Variants in PDSS2 observed in about 807,000 individuals in gnomAD.
The protein encoded by PDSS2 is all trans-polyprenyl-diphosphate synthase PDSS2.
In PDSS2, 31 loss-of-function variants were observed where a neutral mutation model predicts 44.5. The observed-to-expected ratio is 0.70, with a 90% CI of 0.52 to 0.94. PDSS2 has a LOEUF of 0.94. Ranked by LOEUF, PDSS2 falls within the 40% of genes least tolerant of loss-of-function variation. The pLI is 0.00. For synonymous variants in PDSS2, 157 were observed against 180.3 expected, an observed-to-expected ratio of 0.87 and a Z score of 1.03; for missense variants, 452 against 482.2, an observed-to-expected ratio of 0.94 and a Z score of 0.59.
chr6:107,211,527 C>T (rs565997831), intron 5 of PDSS2, among the ~76,000 whole-genome samples: 3 of 151,466 alleles, frequency 2.0e-5, no homozygotes, highest in Admixed American at 6.6e-5. Context: ...GTCAGGAATT[C>T]GAGACCATCC....
intron 4 of PDSS2, among the ~76,000 whole-genome samples, chr6:107,230,496 C>G (rs913852087): frequency 2.0e-5 from 3 of 152,062 alleles, no homozygotes; most frequent in African/African-American, 7.2e-5. Flanking sequence ...ATAAAGGTAC[C>G]CCCAAACTCA....
intron 4 of PDSS2, among the ~76,000 whole-genome samples, chr6:107,234,887 A>T (rs915551388): frequency 2.0e-5 from 3 of 152,176 alleles, no homozygotes; most frequent in African/African-American, 7.2e-5. Flanking sequence ...AGTCATTATA[A>T]CATAAATTTT....
chr6:107,393,249 C>T (rs1479649050), intron 1 of PDSS2, among the ~76,000 whole-genome samples: 1 of 152,060 alleles, frequency 6.6e-6, no homozygotes, highest in East Asian at 1.9e-4. Flanking sequence ...CATAAAATTT[C>T]GTATTTTACC....
At chr6:107,422,565 A>G (rs1780860119) in intron 1 of PDSS2, among the ~76,000 whole-genome samples, 1 of 152,092 alleles carries the variant, frequency 6.6e-6, no homozygotes, top group Non-Finnish European at 1.5e-5. Context: ...GGAGAAAAAC[A>G]TTTAAAAAAA....
intron 2 of PDSS2, among the ~76,000 whole-genome samples, chr6:107,329,805 CT>C (rs879556447): frequency 2.0e-5 from 3 of 152,000 alleles, no homozygotes; most frequent in Non-Finnish European, 2.9e-5. Context: ...TGGTACTGTT[CT>C]GGGCCCTGCT....
intron 2 of PDSS2, among the ~76,000 whole-genome samples, chr6:107,333,138 C>A (rs2115239727): frequency 6.6e-6 from 1 of 152,196 alleles, no homozygotes; most frequent in Non-Finnish European, 1.5e-5. Context: ...GGTCAATTAG[C>A]CATAAGTCAA....
chr6:107,332,471 T>C (rs1002629119), intron 2 of PDSS2, among the ~76,000 whole-genome samples: 4 of 152,214 alleles, frequency 2.6e-5, no homozygotes, highest in Non-Finnish European at 5.9e-5. Context: ...GTACTAAAGA[T>C]GTGCCAAAGA....
intron 1 of PDSS2, among the ~76,000 whole-genome samples, chr6:107,454,047 CTTTT>C (rs34161602): frequency 4.6e-5 from 6 of 131,568 alleles, no homozygotes; most frequent in Admixed American, 7.8e-5. Flanking sequence ...TTTCAGACTT[CTTTT>C]TTTTTTTTTT....
intron 4 of PDSS2, among the ~76,000 whole-genome samples, chr6:107,225,170 T>A (rs1226313493): frequency 0.076 from 4,036 of 53,396 alleles, 218 homozygotes; most frequent in African/African-American, 0.16. Context: ...TATTTTTTTT[T>A]TTTTTTTTTT....
chr6:107,225,549 A>G (rs527492059), intron 4 of PDSS2, among the ~76,000 whole-genome samples: 2 of 152,178 alleles, frequency 1.3e-5, no homozygotes, highest in South Asian at 2.1e-4. Context: ...CAATGTAGGA[A>G]GGGTTTGCAC....
At chr6:107,182,220 C>T (rs1453392945) in intron 7 of PDSS2, among the ~76,000 whole-genome samples, 1 of 152,040 alleles carries the variant, frequency 6.6e-6, no homozygotes, top group African/African-American at 2.4e-5. Flanking sequence ...TGAATAATGT[C>T]GAGAGGGCAA....
intron 1 of PDSS2, among the ~76,000 whole-genome samples, chr6:107,436,187 T>A (rs758916104): frequency 2.0e-5 from 3 of 152,202 alleles, no homozygotes; most frequent in Non-Finnish European, 4.4e-5. Flanking sequence ...TGGATTTTTT[T>A]GGTAACTAAT....
intron 1 of PDSS2, among the ~76,000 whole-genome samples, chr6:107,426,937 T>C (rs965149527): frequency 6.6e-6 from 1 of 152,152 alleles, no homozygotes; most frequent in African/African-American, 2.4e-5. Context: ...GTTACTGGAC[T>C]GTGGGCTTTT....
intron 2 of PDSS2, among the ~76,000 whole-genome samples, chr6:107,287,290 C>T (rs1244385642): frequency 3.3e-5 from 5 of 152,126 alleles, no homozygotes. Context: ...GCCACAGTCT[C>T]CACCACTTCC....
At chr6:107,240,475 T>G (rs1184138211) in intron 4 of PDSS2, among the ~76,000 whole-genome samples, 1 of 149,776 alleles carries the variant, frequency 6.7e-6, no homozygotes, top group Non-Finnish European at 1.5e-5. Flanking sequence ...CTCAGCTCAC[T>G]GCAAACTCCA....
intron 3 of PDSS2, among the ~76,000 whole-genome samples, chr6:107,266,573 G>A (rs749417814): frequency 1.3e-5 from 2 of 152,150 alleles, no homozygotes; most frequent in South Asian, 2.1e-4. Context: ...TTCCTCACCA[G>A]AGAAAGGTTG....
chr6:107,277,153 T>C (rs1441687395), intron 2 of PDSS2, among the ~76,000 whole-genome samples: 2 of 152,216 alleles, frequency 1.3e-5, no homozygotes, highest in South Asian at 2.1e-4. Context: ...TTCCTTTTTT[T>C]CTGTAGACCT....
chr6:107,182,361 A>G (rs1240612980), intron 7 of PDSS2, among the ~76,000 whole-genome samples: 1 of 152,110 alleles, frequency 6.6e-6, no homozygotes, highest in African/African-American at 2.4e-5. Context: ...GTCTCACTCT[A>G]TTGCCTGGGC....
At chr6:107,408,619 G>C (rs1242218288) in intron 1 of PDSS2, among the ~76,000 whole-genome samples, 3 of 152,164 alleles carry the variant, frequency 2.0e-5, no homozygotes, top group Non-Finnish European at 4.4e-5. Context: ...GAAGCAATAG[G>C]AACAAATCTG....
Sources: gnomAD v4.1 joint callset for allele counts (sites outside exome capture counted in the v4.1 genomes callset) on GRCh38, gnomAD v4.1.1 for gene constraint, MANE v1.5 for transcripts, NCBI Gene and HGNC (gene_info 2026-07-23, HGNC 2026-07-21) for gene names.